The following RASL10A variants were observed in gnomAD, a reference collection of about 807,000 sequenced individuals.
RASL10A encodes the protein RAS like family 10 member A.
Under a neutral mutation model 17.3 loss-of-function variants are expected in RASL10A, and 13 were observed. The ratio of observed to expected loss-of-function variants is 0.75; its 90% CI spans 0.49 to 1.20. The LOEUF (loss-of-function observed/expected upper bound fraction) is 1.20, where lower values mean the gene tolerates loss of function less well. Ranked by LOEUF, RASL10A falls within the 50% of genes most tolerant of loss-of-function variation. The probability of loss-of-function intolerance (pLI) is 0.00; values close to 1 mark genes in which losing one functional copy is unlikely to be tolerated. For missense variants in RASL10A, 307 were observed against 310.3 expected (o/e 0.99, Z 0.08); for synonymous variants, 159 against 142.2 (o/e 1.12, Z -0.84).
At position 29,315,229 on chromosome 22, in the gene RASL10A, C is replaced by T; in HGVS notation, c.18G>A (p.Arg6=). Residue 6 remains arginine, a synonymous_variant, in exon 1 of 3, where the codon CGG becomes CGA. Transcript: ENST00000216101. The surrounding 1 kb of genome is among the most constrained non-coding windows in gnomAD (Gnocchi z 5.5). ...CGCCCGGGGCGCCTAGAACGGCCAC[C>T]CGCAGGCTACCCCCCATGGCCGGCC... MGGSL[R]VAVLGAPGVG... 1.3e-6 allele frequency: 2 copies of T among 1,512,178 alleles called. No homozygotes were observed. Among genetic ancestry groups the T allele is most frequent in the Admixed American group, 2.1e-5 (1 of 48,752 alleles). 93.7% of individuals were successfully genotyped at this position (1,512,178 alleles called of 1,614,324 possible).
upstream of RASL10A, chr22:29,317,344 C>T (rs1327971553): frequency 6.6e-6 from 1 of 152,128 alleles, no homozygotes; most frequent in Non-Finnish European, 1.5e-5. Flanking sequence ...TCAAGTGATC[C>T]TCCTTGCCTC....
In RASL10A at chr22:29,315,477, G is replaced by T; in HGVS notation, c.-231C>A. The T allele has an allele frequency of 3.8e-6, 1 of 262,036 alleles. No homozygotes were observed. Among genetic ancestry groups the T allele is most frequent in the Non-Finnish European group, 7.1e-6 (1 of 140,860 alleles). 16.2% of individuals were successfully genotyped at this position (262,036 alleles called of 1,614,324 possible). ...GCAGACAGGTGGCGGGCGCGCGAGCGGCTCGGGCGGGTGCCGAAGCTCGAG... is the reference window on the plus strand; with the variant it reads ...GCAGACAGGTGGCGGGCGCGCGAGCTGCTCGGGCGGGTGCCGAAGCTCGAG... On this transcript the variant is annotated 5_prime_UTR_variant, in exon 1 of 3. Transcript: ENST00000216101. The surrounding 1 kb of genome is among the most constrained non-coding windows in gnomAD (Gnocchi z 5.5).
upstream of RASL10A, chr22:29,319,190 G>A (rs1340844138): frequency 6.6e-6 from 1 of 152,366 alleles, no homozygotes; most frequent in African/African-American, 2.4e-5. Flanking sequence ...AGGCACCCAA[G>A]ACTGCATCCA....
At chr22:29,316,020 G>A (rs996088297), upstream of RASL10A, among the ~76,000 whole-genome samples, 2 of 152,366 alleles carry the variant, frequency 1.3e-5, no homozygotes, top group South Asian at 4.1e-4. Context: ...GAATTGGGGG[G>A]GGCGGCTGTG....
At position 29,313,795 on chromosome 22, in the gene RASL10A, C is replaced by T; in HGVS notation, c.344+68G>A. On this transcript the variant is annotated intron_variant, in intron 2 of 2. Coordinates refer to ENST00000216101, the MANE Select transcript of RASL10A (RefSeq NM_006477.5). ...CCACGACGTTGGGAGACCCTACACA[C>T]TCTCCTCAGGCAAAGGCCCTGCCAG... The T allele has an allele frequency of 3.1e-6, 5 of 1,593,270 alleles. No individual in the cohort carries two copies. In the Admixed American group the frequency reaches 6.8e-5, roughly 22 times the overall value.
At chr22:29,319,778 C>G (rs2061467536), upstream of RASL10A, 1 of 151,350 alleles carries the variant, frequency 6.6e-6, no homozygotes, top group Non-Finnish European at 1.5e-5. Flanking sequence ...CGAGGTCAGG[C>G]ATTTGAGACC....
chr22:29,313,731 G>C (rs368278535), intron 2 of RASL10A, 132 bp downstream of exon 2: 1 of 1,471,090 alleles, frequency 6.8e-7, no homozygotes, highest in South Asian at 1.3e-5. Flanking sequence ...AGCACATACA[G>C]CTTAAGACCT....
At chr22:29,314,234 T>C in intron 1 of RASL10A, 1 of 475,868 alleles carries the variant, frequency 2.1e-6, no homozygotes, top group Non-Finnish European at 3.8e-6. Flanking sequence ...CGAATCTTCC[T>C]CTTTTCAGCT....
At position 29,313,547 on chromosome 22, in the gene RASL10A, C is replaced by T; in HGVS notation, c.366G>A (p.Ala122=). The T allele has an allele frequency of 6.5e-7, 1 of 1,536,948 alleles. No homozygotes were observed. The highest frequency in any genetic ancestry group is 8.7e-7 in the Non-Finnish European group (1 of 1,153,344). ...AETRPAGAPE[A]PILVVGNKRD... is the part of the protein sequence containing the mutation. ...GCTTGTTGCCTACCACGAGGATGGG[C>T]GCTTCGGGCGCGCCCGCCGGCCTGG... Residue 122 remains alanine (A), a synonymous_variant, in exon 3 of 3, where the codon GCG becomes GCA. Transcript: ENST00000216101.
At chr22:29,314,890 A>T (rs1029243181) in intron 1 of RASL10A, 138 bp downstream of exon 1, 2 of 716,850 alleles carry the variant, frequency 2.8e-6, no homozygotes, top group Non-Finnish European at 4.2e-6. Context: ...AAACGCAAGT[A>T]TCCCAGGACG....
upstream of RASL10A, chr22:29,319,350 G>T (rs573851356): frequency 6.6e-6 from 1 of 152,402 alleles, no homozygotes; most frequent in East Asian, 1.9e-4. Flanking sequence ...CAGCTCACAT[G>T]CTTGGGGTGT....
Position 29,315,088 on chromosome 22 carries a change from G to T in RASL10A, c.159C>A (p.Tyr53Ter). 2 of 1,526,276 alleles carry T rather than the reference G, an allele frequency of 1.3e-6. No homozygotes were observed. The highest frequency in any genetic ancestry group is 1.8e-6 in the Non-Finnish European group (2 of 1,140,926). The allele number at this position is 1,526,276 out of a possible 1,614,324, so 94.5% of individuals were successfully genotyped here. A position where few individuals can be genotyped will look rare whatever the true frequency, so the allele number is the denominator to read the frequency against. ...RPAVLLDGAVYDLSIRDGDVA... is the reference protein window; with the variant it reads ...RPAVLLDGAV The stretch of plus-strand genomic sequence containing the variant: ...CGTCGCCGTCGCGGATGCTCAAGTC[G>T]TAGACGGCGCCGTCGAGCAGCACCG... Residue 53 changes from tyrosine (Y) to a stop codon, truncating the protein, a stop_gained, in exon 1 of 3, where the codon TAC becomes TAA. Coordinates refer to ENST00000216101, the MANE Select transcript of RASL10A (RefSeq NM_006477.5). LOFTEE classifies it high-confidence loss of function. The surrounding 1 kb of genome is among the most constrained non-coding windows in gnomAD (Gnocchi z 5.5).
upstream of RASL10A, among the ~76,000 whole-genome samples, chr22:29,317,903 C>A (rs943610321): frequency 1.3e-5 from 2 of 152,054 alleles, no homozygotes; most frequent in Non-Finnish European, 1.5e-5. Context: ...TCAGGCTGGT[C>A]TCGAACTGCT....
Position 29,313,465 on chromosome 22 carries a change from T to C in RASL10A, c.448A>G (p.Arg150Gly), listed in dbSNP as rs1216383907. 1 of 1,546,768 alleles carries C rather than the reference T, an allele frequency of 6.5e-7. No individual in the cohort carries two copies. The highest frequency in any genetic ancestry group is 8.7e-7 in the Non-Finnish European group (1 of 1,151,892). ...PRRALAALVRRGWRCGYLECS... is the reference protein window; with the variant it reads ...PRRALAALVRGGWRCGYLECS... ...TCGAGGTAGCCGCAGCGCCAGCCCC[T>C]GCGCACTAGGGCGGCCAGCGCGCGC... The change falls in exon 3 of 3, where the codon AGG becomes GGG. Residue 150 changes from arginine (R) to glycine (G), a missense_variant. Physicochemically the swap from Arg to Gly is moderately radical, Grantham distance 125. Transcript: ENST00000216101.
At position 29,313,289 on chromosome 22, in the gene RASL10A, TGTC is replaced by T. The variant is rs1420882799; in HGVS notation, c.*9_*11del. On this transcript the variant is annotated 3_prime_UTR_variant, in exon 3 of 3. Transcript: ENST00000216101. ...ACAAGGTGGGGCCCATGGATGGCACTGTCCGATCGGGTCACATGAGGCTGCAGC... is the reference window on the plus strand; with the variant it reads ...ACAAGGTGGGGCCCATGGATGGCACTCGATCGGGTCACATGAGGCTGCAGC... The T allele has an allele frequency of 2.7e-6, 4 of 1,487,888 alleles. No individual in the cohort carries two copies. The African/African-American group carries it at 5.7e-5, about 21-fold the overall frequency. The allele number at this position is 1,487,888 out of a possible 1,614,324, so 92.2% of individuals were successfully genotyped here.
rs758383031 is a variant in RASL10A at position 29,313,306 on chromosome 22, T to C, written c.607A>G (p.Met203Val). Residue 203 changes from methionine (M) to valine (V), a missense_variant, in exon 3 of 3, where the codon ATG becomes GTG. By Grantham distance (21) the Met-to-Val change is conservative (BLOSUM62 1). Transcript: ENST00000216101. ...GALHPARCSL[M>V] ...GATGGCACTGTCCGATCGGGTCACA[T>C]GAGGCTGCAGCGCGCGGGATGCAGC... 6.6e-7 allele frequency: 1 copy of C among 1,515,636 alleles called. No individual in the cohort carries two copies. Among genetic ancestry groups the C allele is most frequent in the Non-Finnish European group, 8.8e-7 (1 of 1,130,346 alleles). The allele number at this position is 1,515,636 out of a possible 1,614,324, so 93.9% of individuals were successfully genotyped here.
rs2061429168 is a variant in RASL10A at position 29,313,217 on chromosome 22, T to G, written c.*84A>C. On this transcript the variant is annotated 3_prime_UTR_variant, in exon 3 of 3. Coordinates refer to ENST00000216101, the MANE Select transcript of RASL10A (RefSeq NM_006477.5). ...CGGAGACTTCCCTGTCCAGTCCCAG[T>G]GAAGTTGGGCGATCCCGTCCAATCC... The G allele has an allele frequency of 7.2e-7, 1 of 1,395,146 alleles. No individual in the cohort carries two copies. The highest frequency in any genetic ancestry group is 9.4e-7 in the Non-Finnish European group (1 of 1,060,364). The allele number at this position is 1,395,146 out of a possible 1,614,324, so 86.4% of individuals were successfully genotyped here.
chr22:29,313,401 A>G lies in RASL10A; in HGVS notation c.512T>C (p.Phe171Ser). Residue 171 changes from phenylalanine to serine, a missense_variant, in exon 3 of 3, where the codon TTC (phenylalanine) becomes TCC (serine). Phe to Ser is a radical substitution (Grantham distance 155). Coordinates refer to ENST00000216101, the MANE Select transcript of RASL10A (RefSeq NM_006477.5). ...AKYNWHVLRL[F>S]RELLRCALVR... ...CAGAGCGCAGCGCAGCAGCTCGCGG[A>G]AGAGACGCAGCACGTGCCAGTTGTA... 1 of 1,542,454 alleles carries G rather than the reference A, an allele frequency of 6.5e-7. No homozygotes were observed. Among genetic ancestry groups the G allele is most frequent in the Non-Finnish European group, 8.7e-7 (1 of 1,146,434 alleles).
At chr22:29,316,497 C>G (rs1333738800), upstream of RASL10A, among the ~76,000 whole-genome samples, 1 of 152,084 alleles carries the variant, frequency 6.6e-6, no homozygotes, top group Non-Finnish European at 1.5e-5. Flanking sequence ...AGTTGCAACC[C>G]GTAGCGCCCC....
Sources: gnomAD v4.1 joint callset for allele counts (sites outside exome capture counted in the v4.1 genomes callset) on GRCh38, gnomAD v4.1.1 for gene constraint, Gnocchi (gnomAD v3.1) non-coding constraint, MANE v1.5 for transcripts, NCBI Gene and HGNC (gene_info 2026-07-23, HGNC 2026-07-21) for gene names.